Variants in KIDINS220 observed in about 807,000 individuals in gnomAD.
KIDINS220 encodes the protein kinase D interacting substrate 220, also known as kinase D-interacting substrate of 220 kDa.
KIDINS220 carries 63 observed loss-of-function variants against 157.6 expected under a neutral mutation model. The observed-to-expected ratio is 0.40, with a 90% CI of 0.33 to 0.49. KIDINS220 has a LOEUF of 0.49. Ranked by LOEUF, KIDINS220 falls within the 20% of genes least tolerant of loss-of-function variation. The pLI is 0.66. For missense variants in KIDINS220, 1,772 were observed against 2,171.2 expected, an observed-to-expected ratio of 0.82 and a Z score of 3.65; for synonymous variants, 732 against 783.6, an observed-to-expected ratio of 0.93 and a Z score of 1.10.
chr2:8,729,976 G>A lies in KIDINS220; in HGVS notation c.*744C>T, dbSNP rs186694397. On this transcript the variant is annotated 3_prime_UTR_variant, in exon 30 of 30. Transcript: ENST00000256707. ...AGAACAGACCAGGGTGGCTTCTTGG[G>A]CACAGCTGGATGGTGCTGGAAGCCA... The A allele has an allele frequency of 8.3e-5, 82 of 985,320 alleles. No homozygotes were observed. The East Asian group carries it at 8.3e-3, about 100-fold the overall frequency. The allele number at this position is 985,320 out of a possible 1,614,324, so 61.0% of individuals were successfully genotyped here.
chr2:8,777,510 G>A (rs6431962), intron 20 of KIDINS220, among the ~76,000 whole-genome samples: 146,664 of 152,258 alleles, frequency 0.96, 70,897 homozygotes, highest in East Asian at 1. Context: ...TATGTTGCCC[G>A]GGCTGGTCTT....
chr2:8,770,963 C>A, intron 21 of KIDINS220, 131 bp from the exon 22 acceptor site: 6 of 518,042 alleles, frequency 1.2e-5, no homozygotes, highest in Non-Finnish European at 1.6e-5. Flanking sequence ...AAATTCAAAT[C>A]TAGTACTGCC....
chr2:8,727,874 G>A (rs1663500089), downstream of KIDINS220, among the ~76,000 whole-genome samples: 1 of 152,246 alleles, frequency 6.6e-6, no homozygotes, highest in East Asian at 1.9e-4. Flanking sequence ...CCAGCACTGC[G>A]GAAGTTATTT....
downstream of KIDINS220, chr2:8,725,475 T>C (rs1196846988): frequency 6.6e-6 from 1 of 152,202 alleles, no homozygotes; most frequent in Non-Finnish European, 1.5e-5. Context: ...ATAAAACTAG[T>C]AGAGGTGAAC....
At chr2:8,772,419 T>C (rs896752636) in intron 21 of KIDINS220, among the ~76,000 whole-genome samples, 1 of 151,652 alleles carries the variant, frequency 6.6e-6, no homozygotes, top group Non-Finnish European at 1.5e-5. Context: ...GAGGTTACAG[T>C]GAGCCAAGAT....
chr2:8,778,753 C>T, intron 19 of KIDINS220, 26 bp from the exon 20 acceptor site: 2 of 1,599,398 alleles, frequency 1.3e-6, no homozygotes, highest in Middle Eastern at 3.3e-4. Flanking sequence ...AAGACAGCAT[C>T]ACTTACACCA....
At position 8,731,466 on chromosome 2, in the gene KIDINS220, C is replaced by A. The variant is rs749707556; in HGVS notation, c.4570G>T (p.Asp1524Tyr). The A allele has an allele frequency of 1.3e-5, 21 of 1,614,044 alleles. No homozygotes were observed. The Admixed American group carries it at 3.3e-4, about 26-fold the overall frequency. ...LRYQKLPSDE[D>Y]ESGTEESDNT... ...TCTGATTCTTCTGTGCCAGATTCAT[C>A]CTCGTCACTTGGGAGTTTTTGATAG... Residue 1524 changes from aspartate to tyrosine, a missense_variant, in exon 30 of 30, where the codon GAT becomes TAT. Around this residue, in one of 3 missense-constraint regions of KIDINS220, gnomAD observed 793 missense variants for 885.5 expected, o/e 0.90. Coordinates refer to ENST00000256707, the MANE Select transcript of KIDINS220 (RefSeq NM_020738.4). This position sits in a 1 kb window ranked among gnomAD's most constrained non-coding sequence, Gnocchi z 5.2.
At chr2:8,768,374 C>T (rs946019812) in intron 22 of KIDINS220, among the ~76,000 whole-genome samples, 3 of 151,950 alleles carry the variant, frequency 2.0e-5, no homozygotes, top group Admixed American at 6.6e-5. Context: ...TTAATGTTCC[C>T]GTGGTTTACA....
At chr2:8,803,585 G>C (rs1205023873) in intron 7 of KIDINS220, among the ~76,000 whole-genome samples, 2 of 152,032 alleles carry the variant, frequency 1.3e-5, no homozygotes, top group Admixed American at 6.6e-5. Context: ...AGTAAACAAT[G>C]AATTAATAGC....
chr2:8,802,848 G>C, intron 8 of KIDINS220, 82 bp downstream of exon 8: 1 of 1,072,266 alleles, frequency 9.3e-7, no homozygotes, highest in Non-Finnish European at 1.4e-6. Flanking sequence ...TCATGCATGA[G>C]AATCTTGAAA....
chr2:8,772,963 A>C (rs1489255940), intron 21 of KIDINS220, among the ~76,000 whole-genome samples: 1 of 152,098 alleles, frequency 6.6e-6, no homozygotes, highest in Non-Finnish European at 1.5e-5. Flanking sequence ...TATCCTTTCC[A>C]ATAAAATATA....
intron 22 of KIDINS220, among the ~76,000 whole-genome samples, chr2:8,760,395 T>C (rs1668595823): frequency 6.6e-6 from 1 of 152,222 alleles, no homozygotes; most frequent in Non-Finnish European, 1.5e-5. Context: ...AAAAATTGCA[T>C]GACATGACTT....
intron 6 of KIDINS220, among the ~76,000 whole-genome samples, chr2:8,807,722 C>G (rs1282088219): frequency 2.0e-5 from 3 of 152,104 alleles, no homozygotes; most frequent in Non-Finnish European, 4.4e-5. Flanking sequence ...CACAAGGTTG[C>G]CAATACAGCA....
chr2:8,730,804 C>A lies in KIDINS220; in HGVS notation c.5232G>T (p.Arg1744Ser). ...HKRSQRSSYT[R>S]LSKDPPELHA... Reference sequence around the variant, plus strand: ...GGAGCTCCGGAGGATCTTTGGAGAGCCTTGTGTAACTTGAACGTTGGCTTC... The same window carrying A: ...GGAGCTCCGGAGGATCTTTGGAGAGACTTGTGTAACTTGAACGTTGGCTTC... The change falls in exon 30 of 30, where the codon AGG becomes AGT. Residue 1744 changes from arginine (R) to serine (S), a missense_variant. Coordinates refer to ENST00000256707, the MANE Select transcript of KIDINS220 (RefSeq NM_020738.4). 6.2e-7 allele frequency: 1 copy of A among 1,614,176 alleles called. No individual in the cohort carries two copies. Among genetic ancestry groups the A allele is most frequent in the Non-Finnish European group, 8.5e-7 (1 of 1,180,040 alleles).
At chr2:8,820,411 G>A (rs1677767311) in intron 2 of KIDINS220, among the ~76,000 whole-genome samples, 1 of 152,170 alleles carries the variant, frequency 6.6e-6, no homozygotes, top group African/African-American at 2.4e-5. Context: ...GTAAACGAGT[G>A]AGCAAAGTCT....
At position 8,794,108 on chromosome 2, in the gene KIDINS220, G is replaced by A. The variant is rs1405866860; in HGVS notation, c.1099-121C>T. Reference sequence around the variant, plus strand: ...GAACTTTTCTTATTTTTCATATAAAGCACATATATAATATGAATTTTTATC... The same window carrying A: ...GAACTTTTCTTATTTTTCATATAAAACACATATATAATATGAATTTTTATC... On this transcript the variant is annotated intron_variant, in intron 11 of 29. Coordinates refer to ENST00000256707, the MANE Select transcript of KIDINS220 (RefSeq NM_020738.4). 2.6e-5 allele frequency: 18 copies of A among 683,212 alleles called. No individual in the cohort carries two copies. In the South Asian group the frequency reaches 4.2e-4, roughly 16 times the overall value. The allele number at this position is 683,212 out of a possible 1,614,324, so 42.3% of individuals were successfully genotyped here. A position where few individuals can be genotyped will look rare whatever the true frequency, so the allele number is the denominator to read the frequency against.
intron 5 of KIDINS220, among the ~76,000 whole-genome samples, chr2:8,812,879 A>C (rs1477473986): frequency 2.0e-5 from 3 of 152,224 alleles, no homozygotes; most frequent in Non-Finnish European, 4.4e-5. Flanking sequence ...ATATAACAGA[A>C]TGTATAGAAA....
At chr2:8,821,238 G>A (rs1677905350) in intron 2 of KIDINS220, among the ~76,000 whole-genome samples, 1 of 151,746 alleles carries the variant, frequency 6.6e-6, no homozygotes, top group Non-Finnish European at 1.5e-5. Context: ...CTAGAAACAT[G>A]CCAAATGAAA....
At chr2:8,778,531 A>G (rs1257809755) in intron 20 of KIDINS220, 108 bp downstream of exon 20, 18 of 806,550 alleles carry the variant, frequency 2.2e-5, no homozygotes, top group Non-Finnish European at 3.9e-5. Flanking sequence ...TGTTTATTTG[A>G]AGCGTTTAAT....
Sources: gnomAD v4.1 joint callset for allele counts (sites outside exome capture counted in the v4.1 genomes callset) on GRCh38, gnomAD v4.1.1 for gene constraint, gnomAD v4.1.1 regional missense constraint, Gnocchi (gnomAD v3.1) non-coding constraint, MANE v1.5 for transcripts, NCBI Gene and HGNC (gene_info 2026-07-23, HGNC 2026-07-21) for gene names.